ATP10B: variants seen among roughly 807,000 people sequenced by gnomAD.
ATP10B encodes phospholipid-transporting ATPase VB.
ATP10B carries 122 observed loss-of-function variants against 141.2 expected under a neutral mutation model. The observed-to-expected ratio is 0.86, with a 90% CI of 0.75 to 1.00. The LOEUF (loss-of-function observed/expected upper bound fraction) is 1.00, where lower values mean the gene tolerates loss of function less well. ATP10B is among the 50% of genes least tolerant of loss of function. The pLI is 0.00. For synonymous variants in ATP10B, 685 were observed against 692.0 expected, an observed-to-expected ratio of 0.99 and a Z score of 0.16; for missense variants, 1,876 against 1,825.3, an observed-to-expected ratio of 1.03 and a Z score of -0.51.
At chr5:160,668,002 G>A (rs1028224825) in intron 7 of ATP10B, among the ~76,000 whole-genome samples, 6 of 152,170 alleles carry the variant, frequency 3.9e-5, no homozygotes, top group Non-Finnish European at 7.4e-5. Context: ...GGCCAAGGCA[G>A]GTGGATCACT....
chr5:160,747,995 GA>G (rs3075589), intron 2 of ATP10B, among the ~76,000 whole-genome samples: 2,288 of 98,974 alleles, frequency 0.023, 63 homozygotes, highest in African/African-American at 0.077. Flanking sequence ...CATTGAGAGA[GA>G]AAAAAAAAAA....
At chr5:160,807,678 C>CA in intron 1 of ATP10B, among the ~76,000 whole-genome samples, 1 of 152,164 alleles carries the variant, frequency 6.6e-6, no homozygotes, top group South Asian at 2.1e-4. Context: ...GATAACTGAA[C>CA]ACTCTCTGTA....
At chr5:160,780,334 G>A (rs539487321) in intron 2 of ATP10B, among the ~76,000 whole-genome samples, 1 of 149,658 alleles carries the variant, frequency 6.7e-6, no homozygotes, top group South Asian at 2.2e-4. Flanking sequence ...AAATATACAT[G>A]TTTTTTGGTG....
intron 1 of ATP10B, among the ~76,000 whole-genome samples, chr5:160,821,359 TTAAA>T (rs1057244230): frequency 3.3e-5 from 5 of 151,852 alleles, no homozygotes; most frequent in Middle Eastern, 3.2e-3. Context: ...ATGTAAGAAA[TTAAA>T]TAAGATACAA....
chr5:160,693,727 C>A (rs2127753192), intron 3 of ATP10B, among the ~76,000 whole-genome samples: 1 of 152,282 alleles, frequency 6.6e-6, no homozygotes, highest in Admixed American at 6.5e-5. Flanking sequence ...CTCAGATTAT[C>A]AGGCATTCCT....
At chr5:160,758,017 T>A (rs946210668) in intron 2 of ATP10B, among the ~76,000 whole-genome samples, 1 of 152,208 alleles carries the variant, frequency 6.6e-6, no homozygotes, top group Non-Finnish European at 1.5e-5. Flanking sequence ...ACCACCATTA[T>A]AGAAGATACA....
intron 13 of ATP10B, among the ~76,000 whole-genome samples, chr5:160,630,617 G>T (rs1020321543): frequency 5.9e-5 from 9 of 152,156 alleles, no homozygotes; most frequent in Non-Finnish European, 2.9e-5. Context: ...ATAACTCGGG[G>T]AAGTGCATTA....
At chr5:160,697,416 C>T (rs1764433214) in intron 3 of ATP10B, among the ~76,000 whole-genome samples, 1 of 152,176 alleles carries the variant, frequency 6.6e-6, no homozygotes, top group Admixed American at 6.5e-5. Flanking sequence ...CAGGCATCTA[C>T]ATATAGCTGC....
intron 16 of ATP10B, 138 bp from the exon 17 acceptor site, chr5:160,616,102 C>T (rs17052845): frequency 0.79 from 703,424 of 885,998 alleles, 280,696 homozygotes; most frequent in East Asian, 0.84. Flanking sequence ...TTCTCAAAGA[C>T]TTTTTTTTAA....
chr5:160,638,854 A>G (rs532683352), intron 10 of ATP10B, among the ~76,000 whole-genome samples: 4 of 152,268 alleles, frequency 2.6e-5, no homozygotes, highest in African/African-American at 9.6e-5. Flanking sequence ...CCTGAGAATC[A>G]TTTTTAGAAT....
chr5:160,787,842 G>A (rs1314858811), intron 1 of ATP10B, among the ~76,000 whole-genome samples: 1 of 152,088 alleles, frequency 6.6e-6, no homozygotes, highest in African/African-American at 2.4e-5. Context: ...TTATAAACTG[G>A]TGGCCCCATA....
intron 2 of ATP10B, among the ~76,000 whole-genome samples, chr5:160,775,281 C>T (rs946405432): frequency 1.3e-5 from 2 of 152,192 alleles, no homozygotes; most frequent in African/African-American, 4.8e-5. Context: ...GCTTGCCCCT[C>T]GAGGACAGAG....
chr5:160,676,297 C>T (rs943546318), intron 6 of ATP10B, among the ~76,000 whole-genome samples: 2 of 152,156 alleles, frequency 1.3e-5, no homozygotes, highest in South Asian at 4.1e-4. Flanking sequence ...AGGTGCCATC[C>T]AGCAAGATCA....
At chr5:160,751,741 G>C (rs79955801) in intron 2 of ATP10B, among the ~76,000 whole-genome samples, 2,313 of 152,258 alleles carry the variant, frequency 0.015, 28 homozygotes, top group Middle Eastern at 0.031. Flanking sequence ...TAAAATGTTT[G>C]ACACAAAGGG....
intron 1 of ATP10B, among the ~76,000 whole-genome samples, chr5:160,805,928 G>A (rs183320892): frequency 1.4e-3 from 211 of 152,302 alleles, no homozygotes; most frequent in African/African-American, 4.9e-3. Context: ...GGAGATGGGG[G>A]AAAGCCAGTG....
At chr5:160,703,612 G>C (rs926991073) in intron 3 of ATP10B, among the ~76,000 whole-genome samples, 3 of 150,578 alleles carry the variant, frequency 2.0e-5, no homozygotes, top group African/African-American at 7.5e-5. Flanking sequence ...GGGTAGCTGG[G>C]GCTACAGGCA....
At chr5:160,830,991 A>ACACACACACT (rs138245065) in intron 1 of ATP10B, among the ~76,000 whole-genome samples, 191 of 150,786 alleles carry the variant, frequency 1.3e-3, no homozygotes, top group African/African-American at 4.2e-3. Flanking sequence ...ACACACACAC[A>ACACACACACT]CACACACAGA....
At chr5:160,617,797 G>A (rs578195306) in intron 16 of ATP10B, 67 bp downstream of exon 16, 2 of 1,329,994 alleles carry the variant, frequency 1.5e-6, no homozygotes, top group East Asian at 2.3e-5. Context: ...TAAAGAAAAA[G>A]AAGCAGGGTC....
At chr5:160,807,824 T>C (rs1056588617) in intron 1 of ATP10B, among the ~76,000 whole-genome samples, 5 of 152,224 alleles carry the variant, frequency 3.3e-5, no homozygotes, top group African/African-American at 1.2e-4. Flanking sequence ...GAAATCTCTT[T>C]ATGCTTCTAA....
Sources: allele counts gnomAD v4.1 joint callset (sites outside exome capture counted in the v4.1 genomes callset), GRCh38; gene constraint gnomAD v4.1.1; transcripts MANE v1.5; gene names NCBI Gene and HGNC (gene_info 2026-07-23, HGNC 2026-07-21).